CYP4X1: variants seen among roughly 807,000 people sequenced by gnomAD.
CYP4X1 encodes the protein cytochrome P450 family 4 subfamily X member 1.
In CYP4X1, 44 loss-of-function variants were observed where a neutral mutation model predicts 57.9. That is an observed-to-expected ratio of 0.76 (90% CI 0.60 to 0.98). The LOEUF is 0.98. CYP4X1 is among the 50% of genes least tolerant of loss of function. The pLI is 0.00. For synonymous variants in CYP4X1, 227 were observed against 228.6 expected (o/e 0.99, Z 0.06); for missense variants, 532 against 623.9 (o/e 0.85, Z 1.57).
chr1:47,040,549 A>G lies in CYP4X1; in HGVS notation c.1073+1017A>G, dbSNP rs1644234136. Among the ~76,000 whole-genome samples, 7 of 152,216 alleles carry G rather than the reference A, an allele frequency of 4.6e-5. No individual in the cohort carries two copies. In the South Asian group the frequency reaches 1.5e-3, roughly 32 times the overall value. On this transcript the variant is annotated intron_variant, in intron 8 of 11. Transcript: ENST00000371901. ...AAAAGTATATCAGAGATCTCATTTT[A>G]TAAGGAAATAGAAGCCCTTTCCTAC...
the CYP4X1 span, among the ~76,000 whole-genome samples, chr1:46,974,533 G>A: frequency 3.3e-5 from 5 of 152,132 alleles, no homozygotes; most frequent in East Asian, 7.7e-4. Flanking sequence ...GGGTGTTGAA[G>A]TATCCCACCA....
the CYP4X1 span, among the ~76,000 whole-genome samples, chr1:46,981,185 G>T: frequency 6.6e-6 from 1 of 152,110 alleles, no homozygotes; most frequent in Non-Finnish European, 1.5e-5. Context: ...TACCATCAGA[G>T]TGAACAGGCC....
chr1:47,047,878 T>C (rs180891436), intron 9 of CYP4X1, among the ~76,000 whole-genome samples: 130 of 152,250 alleles, frequency 8.5e-4, no homozygotes, highest in African/African-American at 2.9e-3. Flanking sequence ...ACTACAGCCA[T>C]GAGCCACTGC....
chr1:46,996,693 G>C, the CYP4X1 span, among the ~76,000 whole-genome samples: 1 of 152,166 alleles, frequency 6.6e-6, no homozygotes, highest in Non-Finnish European at 1.5e-5. Flanking sequence ...CAATTCATTT[G>C]TTACCCAGAC....
At chr1:46,962,911 A>G in the CYP4X1 span, among the ~76,000 whole-genome samples, 2 of 152,140 alleles carry the variant, frequency 1.3e-5, no homozygotes, top group Admixed American at 1.3e-4. Flanking sequence ...GTCTCTAAGG[A>G]CTTACTTTAT....
intron 8 of CYP4X1, among the ~76,000 whole-genome samples, chr1:47,043,907 G>T (rs778188590): frequency 6.6e-6 from 1 of 152,060 alleles, no homozygotes; most frequent in Non-Finnish European, 1.5e-5. Flanking sequence ...TAAAAGTTCA[G>T]CTACCTTTGC....
At chr1:47,024,982 A>G (rs1400930261) in intron 1 of CYP4X1, among the ~76,000 whole-genome samples, 1 of 152,160 alleles carries the variant, frequency 6.6e-6, no homozygotes, top group Non-Finnish European at 1.5e-5. Flanking sequence ...ACCATATTGC[A>G]TCTATTAATT....
the CYP4X1 span, among the ~76,000 whole-genome samples, chr1:47,008,509 C>A: frequency 1.3e-5 from 2 of 152,178 alleles, no homozygotes; most frequent in Non-Finnish European, 2.9e-5. Context: ...GAAAAAACTG[C>A]ATCAACTAAT....
chr1:47,023,329 C>T (rs2055498), upstream of CYP4X1, among the ~76,000 whole-genome samples: 8,032 of 152,166 alleles, frequency 0.053, 235 homozygotes, highest in East Asian at 0.13. Flanking sequence ...AACCATTTAC[C>T]GGAACACCAC....
the CYP4X1 span, among the ~76,000 whole-genome samples, chr1:46,992,587 C>G: frequency 6.6e-6 from 1 of 152,190 alleles, no homozygotes; most frequent in Non-Finnish European, 1.5e-5. Flanking sequence ...CAGAACTTCA[C>G]TCCTGTTTGT....
the CYP4X1 span, among the ~76,000 whole-genome samples, chr1:46,975,836 A>G: frequency 6.6e-6 from 1 of 151,800 alleles, no homozygotes; most frequent in South Asian, 2.1e-4. Context: ...ACATAATCCT[A>G]TATCTCTCTA....
At chr1:46,967,830 CT>C in the CYP4X1 span, 5 of 1,297,232 alleles carry the variant, frequency 3.9e-6, no homozygotes, top group Non-Finnish European at 5.0e-6. Flanking sequence ...CCATGGCCAC[CT>C]TTAGCTCATT....
chr1:47,023,070 AG>A (rs1644016000), upstream of CYP4X1, among the ~76,000 whole-genome samples: 1 of 152,256 alleles, frequency 6.6e-6, no homozygotes, highest in South Asian at 2.1e-4. Context: ...CTCTGAACCC[AG>A]AAGAGCATAT....
intron 3 of CYP4X1, among the ~76,000 whole-genome samples, chr1:47,032,615 T>C (rs893012238): frequency 7.2e-5 from 11 of 152,212 alleles, no homozygotes; most frequent in Non-Finnish European, 1.3e-4. Context: ...AGTCTGGCAA[T>C]AGAAGATTGT....
At chr1:46,978,639 C>T in the CYP4X1 span, among the ~76,000 whole-genome samples, 3 of 151,962 alleles carry the variant, frequency 2.0e-5, no homozygotes, top group Non-Finnish European at 2.9e-5. Flanking sequence ...TAGACATCTA[C>T]AGAACTCTCC....
the CYP4X1 span, among the ~76,000 whole-genome samples, chr1:46,994,839 G>T: frequency 6.6e-6 from 1 of 152,150 alleles, no homozygotes; most frequent in African/African-American, 2.4e-5. Flanking sequence ...AAACAGAAAT[G>T]AACTGTGACT....
At chr1:47,036,969 A>G (rs933932857) in intron 6 of CYP4X1, among the ~76,000 whole-genome samples, 2 of 152,188 alleles carry the variant, frequency 1.3e-5, no homozygotes, top group African/African-American at 4.8e-5. Context: ...ATATGCATAC[A>G]TGCACATAGA....
At chr1:46,984,258 C>A in the CYP4X1 span, among the ~76,000 whole-genome samples, 865 of 151,838 alleles carry the variant, frequency 5.7e-3, 10 homozygotes, top group African/African-American at 0.02. Context: ...CCCCAGTGAG[C>A]AGTTGTCTTG....
chr1:47,032,662 C>T (rs574585941), intron 3 of CYP4X1, among the ~76,000 whole-genome samples: 1 of 152,228 alleles, frequency 6.6e-6, no homozygotes, highest in South Asian at 2.1e-4. Flanking sequence ...CACATAGTAT[C>T]ATTCATAGAC....
Sources: allele counts gnomAD v4.1 joint callset (sites outside exome capture counted in the v4.1 genomes callset), GRCh38; gene constraint gnomAD v4.1.1; transcripts MANE v1.5; gene names NCBI Gene and HGNC (gene_info 2026-07-23, HGNC 2026-07-21).